The following CSNK2A2IP variants were observed in gnomAD, a reference collection of about 807,000 sequenced individuals.
CSNK2A2IP encodes casein kinase 2 subunit alpha' interacting protein, also known as casein kinase II subunit alpha'-interacting protein.
chr3:88,361,695 T>C, the CSNK2A2IP span, among the ~76,000 whole-genome samples: 2 of 152,204 alleles, frequency 1.3e-5, no homozygotes, highest in Non-Finnish European at 2.9e-5. Context: ...TCAATATTTC[T>C]TTAAATAAAT....
the CSNK2A2IP span, among the ~76,000 whole-genome samples, chr3:88,403,716 G>A: frequency 1.3e-5 from 2 of 152,032 alleles, no homozygotes; most frequent in Admixed American, 1.3e-4. Flanking sequence ...CTTTTTCTAG[G>A]TTAAGGAGCT....
At chr3:88,461,318 C>T in the CSNK2A2IP span, among the ~76,000 whole-genome samples, 10,728 of 151,980 alleles carry the variant, frequency 0.071, 638 homozygotes, top group East Asian at 0.21. Context: ...GTTTGGGAGG[C>T]CGAGGTGGGT....
chr3:88,421,415 T>A, the CSNK2A2IP span, among the ~76,000 whole-genome samples: 1 of 152,094 alleles, frequency 6.6e-6, no homozygotes, highest in South Asian at 2.1e-4. Flanking sequence ...TCTTTTATAT[T>A]TATAGTAATT....
the CSNK2A2IP span, among the ~76,000 whole-genome samples, chr3:88,376,533 T>C: frequency 6.6e-6 from 1 of 151,844 alleles, no homozygotes; most frequent in Non-Finnish European, 1.5e-5. Context: ...ATTTCCTCCA[T>C]GTATTCTTAT....
chr3:88,414,195 G>GTA, the CSNK2A2IP span, among the ~76,000 whole-genome samples: 303 of 132,976 alleles, frequency 2.3e-3, 1 homozygote, highest in African/African-American at 4.6e-3. Context: ...ACATATATAT[G>GTA]TATATATATA....
chr3:88,376,891 T>G, the CSNK2A2IP span, among the ~76,000 whole-genome samples: 2 of 151,834 alleles, frequency 1.3e-5, no homozygotes, highest in African/African-American at 4.8e-5. Context: ...TCAATACTCT[T>G]GTTGGTCTTT....
chr3:88,400,856 T>C, the CSNK2A2IP span, among the ~76,000 whole-genome samples: 15,942 of 152,124 alleles, frequency 0.1, 997 homozygotes, highest in East Asian at 0.22. Context: ...AAGAAACTAA[T>C]GTAAAAGTGT....
the CSNK2A2IP span, among the ~76,000 whole-genome samples, chr3:88,357,493 T>G: frequency 6.6e-6 from 1 of 152,190 alleles, no homozygotes; most frequent in South Asian, 2.1e-4. Flanking sequence ...CTTTGTAGTA[T>G]TATTTGAAGT....
At chr3:88,428,581 A>G in the CSNK2A2IP span, among the ~76,000 whole-genome samples, 457 of 152,270 alleles carry the variant, frequency 3.0e-3, 2 homozygotes, top group African/African-American at 0.01. Flanking sequence ...ATTTGCCCTC[A>G]TGCTGTTCTC....
the CSNK2A2IP span, among the ~76,000 whole-genome samples, chr3:88,445,608 G>T: frequency 6.6e-6 from 1 of 151,954 alleles, no homozygotes; most frequent in Non-Finnish European, 1.5e-5. Context: ...ATCCAGGCTG[G>T]AGTGCATTGG....
At chr3:88,458,141 GTTTTTTT>G in the CSNK2A2IP span, among the ~76,000 whole-genome samples, 47 of 83,300 alleles carry the variant, frequency 5.6e-4, 1 homozygote, top group Admixed American at 1.3e-3. Flanking sequence ...TGTAATTGTG[GTTTTTTT>G]TTTTTTTTTT....
chr3:88,446,031 TTTCTTTCTTTC>T, the CSNK2A2IP span, among the ~76,000 whole-genome samples: 1 of 4,642 alleles, frequency 2.2e-4, no homozygotes, highest in Non-Finnish European at 4.6e-4. Context: ...CTTTGTTTCT[TTTCTTTCTTTC>T]TTTCTTTCTT....
the CSNK2A2IP span, among the ~76,000 whole-genome samples, chr3:88,445,949 TC>T: frequency 8.7e-4 from 93 of 107,060 alleles, 1 homozygote; most frequent in Non-Finnish European, 7.6e-4. Context: ...TTTCTTTCTC[TC>T]TCTCTCTCTC....
chr3:88,364,181 A>C, the CSNK2A2IP span, among the ~76,000 whole-genome samples: 1 of 151,822 alleles, frequency 6.6e-6, no homozygotes, highest in Admixed American at 6.6e-5. Context: ...ATCAAGTGTA[A>C]ATTTCACTTC....
At chr3:88,390,083 A>G in the CSNK2A2IP span, among the ~76,000 whole-genome samples, 1 of 152,102 alleles carries the variant, frequency 6.6e-6, no homozygotes, top group Non-Finnish European at 1.5e-5. Context: ...GAGCCCCTTC[A>G]TCTATGCCAT....
the CSNK2A2IP span, among the ~76,000 whole-genome samples, chr3:88,433,642 G>A: frequency 6.6e-6 from 1 of 152,182 alleles, no homozygotes; most frequent in African/African-American, 2.4e-5. Context: ...TGAAAAGGCA[G>A]CAGAACTAGA....
chr3:88,368,358 T>C, the CSNK2A2IP span, among the ~76,000 whole-genome samples: 139 of 152,094 alleles, frequency 9.1e-4, 1 homozygote, highest in African/African-American at 3.1e-3. Context: ...AAGTTCAAAA[T>C]AGAAAAGTTG....
At chr3:88,400,309 T>A in the CSNK2A2IP span, among the ~76,000 whole-genome samples, 2 of 152,098 alleles carry the variant, frequency 1.3e-5, no homozygotes, top group Admixed American at 6.6e-5. Context: ...TTGAGCTGAA[T>A]GATCCTTTTT....
chr3:88,340,273 A>G, the CSNK2A2IP span, among the ~76,000 whole-genome samples: 2 of 152,020 alleles, frequency 1.3e-5, no homozygotes, highest in South Asian at 4.1e-4. Context: ...ATTGGTTAAG[A>G]CACATCTAGA....
Sources: allele counts gnomAD v4.1 joint callset (sites outside exome capture counted in the v4.1 genomes callset), GRCh38; gene constraint gnomAD v4.1.1; transcripts MANE v1.5; gene names NCBI Gene and HGNC (gene_info 2026-07-23, HGNC 2026-07-21).